PSD3: variants seen among roughly 807,000 people sequenced by gnomAD.
PSD3 encodes the protein pleckstrin and Sec7 domain containing 3.
PSD3 carries 49 observed loss-of-function variants against 105.5 expected under a neutral mutation model. The observed-to-expected ratio is 0.46, with a 90% confidence interval of 0.37 to 0.59. The LOEUF (loss-of-function observed/expected upper bound fraction) is 0.59, where lower values mean the gene tolerates loss of function less well. PSD3 is among the 20% of genes least tolerant of loss of function. PSD3 has a pLI of 0.00. For missense variants in PSD3, 1,561 were observed against 1,263.8 expected (o/e 1.24, Z -3.57); for synonymous variants, 557 against 457.8 (o/e 1.22, Z -2.77).
chr8:18,891,517 A>C (rs1220872514), intron 2 of PSD3, among the ~76,000 whole-genome samples: 1 of 152,122 alleles, frequency 6.6e-6, no homozygotes, highest in East Asian at 1.9e-4. Flanking sequence ...ATCCTAACCT[A>C]CAGTATCCAT....
At chr8:18,891,692 T>C (rs1818791656) in intron 2 of PSD3, among the ~76,000 whole-genome samples, 2 of 152,160 alleles carry the variant, frequency 1.3e-5, no homozygotes, top group Non-Finnish European at 2.9e-5. Flanking sequence ...TTTTACCCTG[T>C]TTTAGTGATC....
intron 1 of PSD3, among the ~76,000 whole-genome samples, chr8:19,037,924 T>C (rs1827997440): frequency 6.7e-6 from 1 of 149,136 alleles, no homozygotes; most frequent in African/African-American, 2.4e-5. Context: ...TCATATAGAT[T>C]TTAATATATA....
At chr8:18,699,180 C>T (rs543948930) in intron 9 of PSD3, among the ~76,000 whole-genome samples, 8 of 152,264 alleles carry the variant, frequency 5.3e-5, no homozygotes, top group Admixed American at 1.3e-4. Context: ...ATGTGTGCCA[C>T]TTCCAGGCCA....
chr8:18,916,699 C>G (rs1820631406), intron 2 of PSD3, among the ~76,000 whole-genome samples: 2 of 151,908 alleles, frequency 1.3e-5, no homozygotes, highest in Non-Finnish European at 2.9e-5. Flanking sequence ...GTATCACACA[C>G]TTGAAAATTG....
intron 15 of PSD3, among the ~76,000 whole-genome samples, chr8:18,539,636 C>T (rs751416995): frequency 2.0e-5 from 3 of 151,108 alleles, no homozygotes; most frequent in Non-Finnish European, 2.9e-5. Context: ...CAACCTCTGC[C>T]GACTGGGTTC....
At chr8:18,622,444 G>C (rs1806182278) in intron 11 of PSD3, among the ~76,000 whole-genome samples, 1 of 152,154 alleles carries the variant, frequency 6.6e-6, no homozygotes, top group African/African-American at 2.4e-5. Context: ...TGCTGTGCTA[G>C]ATGAGAATTT....
chr8:18,801,400 A>C lies in PSD3; in HGVS notation c.1911-18T>G. On this transcript the variant is annotated intron_variant, in intron 6 of 15. Transcript: ENST00000327040. Reference sequence around the variant, plus strand: ...AGAAATACCTACAAGAGAATTAAAAATTTAAACAGTGAAATTTTCGAAAAT... The same window carrying C: ...AGAAATACCTACAAGAGAATTAAAACTTTAAACAGTGAAATTTTCGAAAAT... 6.7e-7 allele frequency: 1 copy of C among 1,484,526 alleles called. No individual in the cohort carries two copies. The allele number at this position is 1,484,526 out of a possible 1,614,324, so 92.0% of individuals were successfully genotyped here.
rs1203538840 is a variant in PSD3 at position 18,683,769 on chromosome 8, T to C, written c.2173-28084A>G. ...TCAATAAGGTTCAATGTGGTATTTCTTTACCTTGTTCTCCTTAGCAGAAAA... is the reference window on the plus strand; with the variant it reads ...TCAATAAGGTTCAATGTGGTATTTCCTTACCTTGTTCTCCTTAGCAGAAAA... On this transcript the variant is annotated intron_variant, in intron 9 of 15. Coordinates refer to ENST00000327040, the MANE Select transcript of PSD3 (RefSeq NM_015310.4). 5 of 765,006 alleles carry C rather than the reference T, an allele frequency of 6.5e-6. No individual in the cohort carries two copies. In the South Asian group the frequency reaches 6.7e-5, roughly 10 times the overall value. The allele number at this position is 765,006 out of a possible 1,614,324, so 47.4% of individuals were successfully genotyped here.
Position 18,594,694 on chromosome 8 carries a change from G to C in PSD3, c.2481+5670C>G, listed in dbSNP as rs78915509. ...CCCCTGATGGACACCAAAATCCATG[G>C]ATGCTCAAGTCACTTACATAACATG... On this transcript the variant is annotated intron_variant, in intron 12 of 15. Transcript: ENST00000327040. Among the ~76,000 whole-genome samples, 386 of 151,520 alleles carry C rather than the reference G, an allele frequency of 2.5e-3. 1 individual carries two copies. Among genetic ancestry groups the C allele is most frequent in the African/African-American group, 9.0e-3 (372 of 41,286 alleles).
At chr8:18,832,259 T>C (rs560802102) in intron 4 of PSD3, among the ~76,000 whole-genome samples, 3 of 152,242 alleles carry the variant, frequency 2.0e-5, no homozygotes, top group Non-Finnish European at 2.9e-5. Context: ...GTATAAAGTA[T>C]AGGGTTATAT....
At chr8:18,910,883 G>C (rs909509650) in intron 2 of PSD3, among the ~76,000 whole-genome samples, 1 of 151,522 alleles carries the variant, frequency 6.6e-6, no homozygotes, top group Admixed American at 6.6e-5. Flanking sequence ...GAAGTTCAAG[G>C]CCAGGCCAGG....
intron 2 of PSD3, among the ~76,000 whole-genome samples, chr8:18,935,538 A>AT (rs1563438449): frequency 1.3e-5 from 2 of 151,072 alleles, no homozygotes; most frequent in South Asian, 4.2e-4. Flanking sequence ...GAAAAAAAGT[A>AT]TTTTTTTAAT....
At chr8:18,930,433 C>T (rs1385929422) in intron 2 of PSD3, among the ~76,000 whole-genome samples, 7 of 152,174 alleles carry the variant, frequency 4.6e-5, no homozygotes. Context: ...AACAGTGAAA[C>T]CGGAGGACAG....
intron 14 of PSD3, among the ~76,000 whole-genome samples, chr8:18,571,518 C>G (rs1462929320): frequency 6.6e-6 from 1 of 152,186 alleles, no homozygotes; most frequent in Non-Finnish European, 1.5e-5. Flanking sequence ...TGGACTTATC[C>G]TTCCTGTACT....
Position 18,799,306 on chromosome 8 carries a change from G to C in PSD3, c.2071C>G (p.Leu691Val), listed in dbSNP as rs371675294. ...TCAIMLLNTD[L>V]HGHNIGKKMT... is the part of the protein sequence containing the mutation. ...AAATCCACACTTACGTGGCCATGTA[G>C]ATCGGTATTAAGAAGCATTATTGCA... Residue 691 changes from leucine (L) to valine (V), a missense_variant, in exon 8 of 16, where the codon CTA (leucine) becomes GTA (valine). Leu to Val is a conservative substitution (Grantham distance 32). Coordinates refer to ENST00000327040, the MANE Select transcript of PSD3 (RefSeq NM_015310.4). The C allele has an allele frequency of 3.1e-6, 5 of 1,606,212 alleles. No homozygotes were observed. Among genetic ancestry groups the C allele is most frequent in the Non-Finnish European group, 4.3e-6 (5 of 1,173,120 alleles).
chr8:18,554,303 T>A lies in PSD3; in HGVS notation c.2928+1906A>T, dbSNP rs1290261282. On this transcript the variant is annotated intron_variant, in intron 15 of 15. Transcript: ENST00000327040. Reference sequence around the variant, plus strand: ...ACTTCAGAAGTGTGAAGAATAATGATTGCTTTTTGAGAACTCCCATTTCCC... The same window carrying A: ...ACTTCAGAAGTGTGAAGAATAATGAATGCTTTTTGAGAACTCCCATTTCCC... Among the ~76,000 whole-genome samples, 3 of 152,182 alleles carry A rather than the reference T, an allele frequency of 2.0e-5. No individual in the cohort carries two copies. The East Asian group carries it at 5.8e-4, about 29-fold the overall frequency.
rs1226983989 is a variant in PSD3, at chr8:19,070,465, C to G, written c.324+13741G>C. Among the ~76,000 whole-genome samples, 6 of 151,272 alleles carry G rather than the reference C, an allele frequency of 4.0e-5. No individual in the cohort carries two copies. In the East Asian group the frequency reaches 9.7e-4, roughly 25 times the overall value. ...CCGAGGTTGGTAGATCACCTGAGGT[C>G]AGGAGTTCAAGACCAGCTTGACCAA... On this transcript the variant is annotated intron_variant, in intron 1 of 1. Coordinates refer to the PSD3 transcript ENST00000521475.
chr8:18,824,384 C>T (rs147261497), intron 4 of PSD3, among the ~76,000 whole-genome samples: 1 of 152,114 alleles, frequency 6.6e-6, no homozygotes, highest in Admixed American at 6.5e-5. Context: ...AGGCTCAAGC[C>T]GACCAAAGTT....
At chr8:18,915,466 A>C (rs1820522488) in intron 2 of PSD3, among the ~76,000 whole-genome samples, 1 of 152,224 alleles carries the variant, frequency 6.6e-6, no homozygotes, top group Non-Finnish European at 1.5e-5. Context: ...TTAATATCCA[A>C]AATATCCAAG....
Sources: gnomAD v4.1 joint callset for allele counts (sites outside exome capture counted in the v4.1 genomes callset) on GRCh38, gnomAD v4.1.1 for gene constraint, MANE v1.5 for transcripts, NCBI Gene and HGNC (gene_info 2026-07-23, HGNC 2026-07-21) for gene names.